The following HSPA9 variants were observed in gnomAD, a reference collection of about 807,000 sequenced individuals.
HSPA9 encodes stress-70 protein, mitochondrial.
A neutral mutation model predicts 81.5 loss-of-function variants in HSPA9; 28 were observed. That is an observed-to-expected ratio of 0.34 (90% CI 0.25 to 0.47). The LOEUF (loss-of-function observed/expected upper bound fraction) is 0.47. Ranked by LOEUF, HSPA9 falls within the 20% of genes least tolerant of loss-of-function variation. HSPA9 has a pLI of 1.00. For missense variants in HSPA9, 678 were observed against 838.0 expected (o/e 0.81, Z 2.36); for synonymous variants, 293 against 290.4 (o/e 1.01, Z -0.09).
In HSPA9 at chr5:138,571,159, G is replaced by A; in HGVS notation, c.229-18C>T. The A allele has an allele frequency of 1.9e-6, 3 of 1,612,146 alleles. No individual in the cohort carries two copies. Among genetic ancestry groups the A allele is most frequent in the Non-Finnish European group, 2.5e-6 (3 of 1,179,258 alleles). ...TCCAGCACCTAAACTCCCAAAATGTGATAGAGAGTAAGTTTGTAGTTATCA... is the reference window on the plus strand; with the variant it reads ...TCCAGCACCTAAACTCCCAAAATGTAATAGAGAGTAAGTTTGTAGTTATCA... On this transcript the variant is annotated intron_variant, in intron 3 of 16. Coordinates refer to ENST00000297185, the MANE Select transcript of HSPA9 (RefSeq NM_004134.7).
chr5:138,574,594 G>A (rs1312712290), intron 1 of HSPA9, among the ~76,000 whole-genome samples: 3 of 152,218 alleles, frequency 2.0e-5, no homozygotes, highest in Non-Finnish European at 4.4e-5. Flanking sequence ...TAGGATAAAA[G>A]ACCTTTATTA....
At chr5:138,570,227 T>C (rs1019916363) in intron 4 of HSPA9, among the ~76,000 whole-genome samples, 6 of 151,876 alleles carry the variant, frequency 4.0e-5, no homozygotes, top group African/African-American at 1.5e-4. Flanking sequence ...GTAATCCCAA[T>C]AATTTGGGAG....
chr5:138,569,176 G>A, intron 4 of HSPA9, 127 bp from the exon 5 acceptor site: 2 of 849,856 alleles, frequency 2.4e-6, no homozygotes, highest in Non-Finnish European at 3.9e-6. Flanking sequence ...ATGACAGTTT[G>A]TGAAATTCTT....
In HSPA9 at chr5:138,560,907, C is replaced by CT. The variant is rs1210449034; in HGVS notation, c.1182+672_1182+673insA. The stretch of plus-strand genomic sequence containing the variant: ...GTCCAGGACCTTTTTTTTCCAGGTT[C>CT]ATTTTTTTTTTTTTTGCATATTTCC... On this transcript the variant is annotated intron_variant, in intron 10 of 16. Coordinates refer to ENST00000297185, the MANE Select transcript of HSPA9 (RefSeq NM_004134.7). The CT allele has an allele frequency of 2.2e-4, 78 of 358,238 alleles. 3 individuals are homozygous for CT. Among genetic ancestry groups the CT allele is most frequent in the Middle Eastern group, 8.7e-4 (2 of 2,292 alleles). 22.2% of individuals were successfully genotyped at this position (358,238 alleles called of 1,614,324 possible).
intron 9 of HSPA9, among the ~76,000 whole-genome samples, chr5:138,565,561 C>A (rs1356562025): frequency 6.6e-6 from 1 of 152,162 alleles, no homozygotes; most frequent in African/African-American, 2.4e-5. Flanking sequence ...TAACACAGAT[C>A]TAAAATGGTT....
At chr5:138,565,657 T>A (rs555070040) in intron 9 of HSPA9, among the ~76,000 whole-genome samples, 31 of 152,356 alleles carry the variant, frequency 2.0e-4, no homozygotes, top group Admixed American at 1.7e-3. Context: ...TGTGTAAATC[T>A]GATGCTCACA....
rs138190582 is a variant in HSPA9 at position 138,555,240 on chromosome 5, A to G, written c.*797T>C. 7.9e-4 allele frequency: 120 copies of G among 152,288 alleles called. 2 individuals are homozygous for G. Among genetic ancestry groups the G allele is most frequent in the African/African-American group, 2.7e-3 (113 of 41,566 alleles). The allele number at this position is 152,288 out of a possible 1,614,324, so 9.4% of individuals were successfully genotyped here. On this transcript the variant is annotated 3_prime_UTR_variant, in exon 17 of 17. Coordinates refer to ENST00000297185, the MANE Select transcript of HSPA9 (RefSeq NM_004134.7). ...TTGCATTTTTAACCAGTGTTAGCAA[A>G]TCCTGTATTTCCCTCTTTGGGAAAT...
intron 3 of HSPA9, among the ~76,000 whole-genome samples, chr5:138,572,675 C>T (rs1750932766): frequency 6.6e-6 from 1 of 152,164 alleles, no homozygotes; most frequent in Admixed American, 6.5e-5. Flanking sequence ...CCAATCTCCT[C>T]TTCTGAAATA....
In HSPA9 at chr5:138,560,104, G is replaced by A. The variant is rs1425054226; in HGVS notation, c.1183-13C>T. On this transcript the variant is annotated splice_polypyrimidine_tract_variant and intron_variant, in intron 10 of 16. Coordinates refer to ENST00000297185, the MANE Select transcript of HSPA9 (RefSeq NM_004134.7). ...CAGTCTGCTGAACCTGAACATCAAG[G>A]AAAAAGAACCTGTCGGCCCACACTT... The A allele has an allele frequency of 1.9e-6, 3 of 1,606,638 alleles. No individual in the cohort carries two copies. The highest frequency in any genetic ancestry group is 1.3e-5 in the African/African-American group (1 of 74,774).
At chr5:138,572,900 CTT>C (rs539598546) in intron 3 of HSPA9, among the ~76,000 whole-genome samples, 6 of 145,176 alleles carry the variant, frequency 4.1e-5, no homozygotes, top group African/African-American at 2.5e-5. Flanking sequence ...ATAGTCTCTT[CTT>C]TTTTTTTTTT....
Position 138,557,486 on chromosome 5 carries a change from C to A in HSPA9, c.1644G>T (p.Gln548His). Residue 548 changes from glutamine (Q) to histidine (H), a missense_variant, in exon 14 of 17, where the codon CAG (glutamine) becomes CAT (histidine). Physicochemically the swap from Gln to His is conservative, Grantham distance 24. Transcript: ENST00000297185. The stretch of plus-strand genomic sequence containing the variant: ...CATCTTTGCTTAATCCACCAGAAGA[C>A]TGGATTACAACTGTAGTAAACAGAA... ...GTGREQQIVI[Q>H]SSGGLSKDDI... is the part of the protein sequence containing the mutation. 3.8e-6 allele frequency: 6 copies of A among 1,592,912 alleles called. No homozygotes were observed. Among genetic ancestry groups the A allele is most frequent in the Non-Finnish European group, 5.2e-6 (6 of 1,161,704 alleles).
intron 12 of HSPA9, 45 bp from the exon 13 acceptor site, chr5:138,558,031 C>T: frequency 8.4e-7 from 1 of 1,196,362 alleles, no homozygotes; most frequent in South Asian, 1.2e-5. Flanking sequence ...ACAGAGGGGT[C>T]CAGTGCTATT....
intron 9 of HSPA9, 44 bp downstream of exon 9, chr5:138,566,582 G>T: frequency 7.9e-7 from 1 of 1,264,350 alleles, no homozygotes. Context: ...ATAAGCTCCG[G>T]CTGAAAATAT....
intron 1 of HSPA9, 81 bp downstream of exon 1, chr5:138,575,157 G>A (rs548566672): frequency 2.1e-6 from 2 of 973,190 alleles, no homozygotes; most frequent in African/African-American, 1.6e-5. Flanking sequence ...AAACCCTAAA[G>A]GGCGCGCGGC....
chr5:138,562,995 G>T (rs1750690704), intron 9 of HSPA9, among the ~76,000 whole-genome samples: 1 of 152,190 alleles, frequency 6.6e-6, no homozygotes, highest in Non-Finnish European at 1.5e-5. Flanking sequence ...CTTACAGTGT[G>T]TAACTGAGAG....
intron 9 of HSPA9, among the ~76,000 whole-genome samples, chr5:138,562,915 G>A (rs776613412): frequency 3.9e-5 from 6 of 152,184 alleles, no homozygotes; most frequent in Non-Finnish European, 7.3e-5. Flanking sequence ...CATCCATGGA[G>A]AGCAGCTGAC....
chr5:138,565,756 C>T (rs1750747287), intron 9 of HSPA9, among the ~76,000 whole-genome samples: 1 of 152,154 alleles, frequency 6.6e-6, no homozygotes, highest in East Asian at 1.9e-4. Context: ...ATTTGTCACC[C>T]AGGCTGGAGT....
chr5:138,556,238 T>C, intron 16 of HSPA9, 124 bp from the exon 17 acceptor site: 1 of 1,023,024 alleles, frequency 9.8e-7, no homozygotes, highest in Non-Finnish European at 1.5e-6. Flanking sequence ...CCACTCCCCC[T>C]CCCCACTTTC....
chr5:138,563,126 G>T (rs1750694345), intron 9 of HSPA9, among the ~76,000 whole-genome samples: 1 of 151,942 alleles, frequency 6.6e-6, no homozygotes, highest in Non-Finnish European at 1.5e-5. Flanking sequence ...TTTCTTTTTT[G>T]CAAAATGTTG....
Sources: allele counts gnomAD v4.1 joint callset (sites outside exome capture counted in the v4.1 genomes callset), GRCh38; gene constraint gnomAD v4.1.1; transcripts MANE v1.5; gene names NCBI Gene and HGNC (gene_info 2026-07-23, HGNC 2026-07-21).